PCDHGB1: variants seen among roughly 807,000 people sequenced by gnomAD.
The protein encoded by PCDHGB1 is protocadherin gamma-B1.
PCDHGB1 carries 34 observed loss-of-function variants against 56.6 expected under a neutral mutation model. The ratio of observed to expected loss-of-function variants is 0.60; its 90% CI spans 0.46 to 0.80. The LOEUF is 0.80. PCDHGB1 is among the 30% of genes least tolerant of loss of function. PCDHGB1 has a pLI of 0.00. For missense variants in PCDHGB1, 1,278 were observed against 1,204.6 expected, an observed-to-expected ratio of 1.06 and a Z score of -0.90; for synonymous variants, 561 against 505.9, an observed-to-expected ratio of 1.11 and a Z score of -1.46.
At chr5:141,464,838 A>G (rs2099091245) in intron 1 of PCDHGB1, among the ~76,000 whole-genome samples, 1 of 152,182 alleles carries the variant, frequency 6.6e-6, no homozygotes, top group African/African-American at 2.4e-5. Context: ...TCCTGGGCTC[A>G]AGCAATCCTC....
In PCDHGB1 at chr5:141,493,482, G is replaced by T. The variant is rs184736387; in HGVS notation, c.2410-1325G>T. The stretch of plus-strand genomic sequence containing the variant: ...TTTTAGGACCTTACATGTGGGGAAA[G>T]TCTTCTGTGGCTCCTCATTTCTGAG... On this transcript the variant is annotated intron_variant, in intron 1 of 3. Coordinates refer to ENST00000523390, the MANE Select transcript of PCDHGB1 (RefSeq NM_018922.3). The surrounding 1 kb of genome is among the most constrained non-coding windows in gnomAD (Gnocchi z 4.3). 6.6e-6 allele frequency among the ~76,000 whole-genome samples: 1 copy of T among 152,206 alleles called. No individual in the cohort carries two copies. Among genetic ancestry groups the T allele is most frequent in the Admixed American group, 6.5e-5 (1 of 15,282 alleles).
rs1485856773 is a variant in PCDHGB1, at chr5:141,372,043, T to A, written c.2409+19374T>A. ...CTCAGCGCCAACGTGAGCCTGCGCG[T>A]GTTGGTGGACGACCGCAACGACAAT... On this transcript the variant is annotated intron_variant, in intron 1 of 3. Coordinates refer to ENST00000523390, the MANE Select transcript of PCDHGB1 (RefSeq NM_018922.3). The A allele has an allele frequency of 1.9e-6, 3 of 1,613,326 alleles. No individual in the cohort carries two copies. The highest frequency in any genetic ancestry group is 1.7e-5 in the Admixed American group (1 of 59,994).
chr5:141,413,371 C>T lies in PCDHGB1; in HGVS notation c.2409+60702C>T, dbSNP rs752898022. 3.7e-6 allele frequency: 6 copies of T among 1,613,966 alleles called. No individual in the cohort carries two copies. In the Admixed American group the frequency reaches 8.3e-5, roughly 22 times the overall value. On this transcript the variant is annotated intron_variant, in intron 1 of 3. Coordinates refer to ENST00000523390, the MANE Select transcript of PCDHGB1 (RefSeq NM_018922.3). ...TCTGGCGCCCCGGGAGCTGGCGGAG[C>T]GCGGAGTCCGCATAGTCTCCAGAGG...
intron 1 of PCDHGB1, among the ~76,000 whole-genome samples, chr5:141,463,990 G>A (rs2099073582): frequency 6.6e-6 from 1 of 151,990 alleles, no homozygotes; most frequent in Non-Finnish European, 1.5e-5. Flanking sequence ...TAAAAACCAG[G>A]TGCAGTGGCT....
intron 1 of PCDHGB1, among the ~76,000 whole-genome samples, chr5:141,456,845 C>T (rs1308477735): frequency 6.6e-6 from 1 of 152,092 alleles, no homozygotes; most frequent in African/African-American, 2.4e-5. Context: ...CGCCTGTAAT[C>T]CCAGCTAATT....
intron 1 of PCDHGB1, among the ~76,000 whole-genome samples, chr5:141,359,265 G>A (rs2149806692): frequency 6.6e-6 from 1 of 152,134 alleles, no homozygotes; most frequent in African/African-American, 2.4e-5. Flanking sequence ...AATATAATTT[G>A]GAAATGCTCA....
Position 141,361,670 on chromosome 5 carries a change from G to T in PCDHGB1, c.2409+9001G>T, listed in dbSNP as rs1388085140. ...TACGTGTCCGTGAGCGCGCAGAGCG[G>T]GGTGGTGTTCGCGCAGCGCGCCTTC... On this transcript the variant is annotated intron_variant, in intron 1 of 3. Coordinates refer to ENST00000523390, the MANE Select transcript of PCDHGB1 (RefSeq NM_018922.3). 71 of 1,613,684 alleles carry T rather than the reference G, an allele frequency of 4.4e-5. 1 individual carries two copies. The highest frequency in any genetic ancestry group is 5.9e-5 in the Non-Finnish European group (70 of 1,179,914).
chr5:141,371,829 C>G (rs763758826), intron 1 of PCDHGB1: 13 of 1,613,692 alleles, frequency 8.1e-6, no homozygotes, highest in Non-Finnish European at 1.0e-5. Flanking sequence ...AGCCTCGGAT[C>G]CCGACTTGGG....
Position 141,376,232 on chromosome 5 carries a change from C to A in PCDHGB1, c.2409+23563C>A, listed in dbSNP as rs750982276. 6.7e-5 allele frequency: 108 copies of A among 1,614,106 alleles called. No homozygotes were observed. The highest frequency in any genetic ancestry group is 9.0e-5 in the Non-Finnish European group (106 of 1,180,056). ...CATCGTGCTGCTGGCGCTCAGACTG[C>A]AGCGCTGGCACAAGTCACGCCTGCT... is the stretch of plus-strand genomic sequence containing the variant. On this transcript the variant is annotated intron_variant, in intron 1 of 3. Coordinates refer to ENST00000523390, the MANE Select transcript of PCDHGB1 (RefSeq NM_018922.3).
intron 1 of PCDHGB1, chr5:141,390,867 C>CGT (rs61319619): frequency 0.024 from 3,656 of 151,102 alleles, 86 homozygotes; most frequent in African/African-American, 0.056. Flanking sequence ...GCTGTGTGTG[C>CGT]GTGTGTGTGT....
At chr5:141,475,987 C>A in intron 1 of PCDHGB1, 2 of 1,101,540 alleles carry the variant, frequency 1.8e-6, no homozygotes, top group Non-Finnish European at 2.6e-6. Flanking sequence ...AGCCGGCGAG[C>A]AAATCAACGG....
At position 141,362,242 on chromosome 5, in the gene PCDHGB1, T is replaced by C. The variant is rs759010180; in HGVS notation, c.2409+9573T>C. 12 of 1,613,924 alleles carry C rather than the reference T, an allele frequency of 7.4e-6. No homozygotes were observed. The South Asian group carries it at 8.8e-5, about 12-fold the overall frequency. On this transcript the variant is annotated intron_variant, in intron 1 of 3. Transcript: ENST00000523390. ...GGCCTTGGCCTTGATCTCAGTGCTC[T>C]TCTTCCTCGCGGTGATTCTGGCAAT... is the stretch of plus-strand genomic sequence containing the variant.
At chr5:141,385,516 C>A in intron 1 of PCDHGB1, 1 of 1,367,218 alleles carries the variant, frequency 7.3e-7, no homozygotes, top group South Asian at 1.9e-5. Flanking sequence ...TAGTGAAAGC[C>A]TATGGACAAG....
chr5:141,485,093 T>C lies in PCDHGB1; in HGVS notation c.2410-9714T>C. 1 of 1,076,296 alleles carries C rather than the reference T, an allele frequency of 9.3e-7. No homozygotes were observed. Among genetic ancestry groups the C allele is most frequent in the Non-Finnish European group, 1.4e-6 (1 of 718,118 alleles). 66.7% of individuals were successfully genotyped at this position (1,076,296 alleles called of 1,614,324 possible). ...TGGCGCGGGGAAAGGGAGATAGGTG[T>C]CTCCAGCTGCTGTGGCTGTTTGGGG... On this transcript the variant is annotated intron_variant, in intron 1 of 3. Coordinates refer to ENST00000523390, the MANE Select transcript of PCDHGB1 (RefSeq NM_018922.3). The surrounding 1 kb of genome is among the most constrained non-coding windows in gnomAD (Gnocchi z 5.7).
At chr5:141,415,740 G>GTTTTTTTTTTTTTTTTTGTTTTT (rs2095912994) in intron 1 of PCDHGB1, 1 of 515,998 alleles carries the variant, frequency 1.9e-6, no homozygotes. Flanking sequence ...GTTTATTAAG[G>GTTTTTTTTTTTTTTTTTGTTTTT]TTTTTTTTTT....
chr5:141,440,035 C>T, intron 1 of PCDHGB1: 1 of 153,140 alleles, frequency 6.5e-6, no homozygotes, highest in East Asian at 1.9e-4. Flanking sequence ...GTGTCGAGGA[C>T]ATGCCCACTT....
At chr5:141,393,842 T>C (rs1010461527) in intron 1 of PCDHGB1, 5 of 1,613,948 alleles carry the variant, frequency 3.1e-6, no homozygotes, top group Non-Finnish European at 4.2e-6. Context: ...TAAATGACAA[T>C]AGACCAGAAG....
intron 1 of PCDHGB1, chr5:141,427,780 TGTCGTCCTAC>T (rs892399327): frequency 8.9e-6 from 13 of 1,455,886 alleles, no homozygotes; most frequent in Middle Eastern, 1.7e-4. Context: ...CTGCGGGCAC[TGTCGTCCTAC>T]GTGTCCGTGA....
Position 141,454,549 on chromosome 5 carries a change from G to A in PCDHGB1, c.2410-40258G>A, listed in dbSNP as rs188623155. ...AGCCTCCCAAGTAGCTGAGATTACA[G>A]GCATGTGCCACCACGCCCGGCTAAT... On this transcript the variant is annotated intron_variant, in intron 1 of 3. Transcript: ENST00000523390. Among the ~76,000 whole-genome samples, 406 of 152,154 alleles carry A rather than the reference G, an allele frequency of 2.7e-3. 2 individuals are homozygous for A. The highest frequency in any genetic ancestry group is 0.021 in the South Asian group (99 of 4,814).
Sources: allele counts gnomAD v4.1 joint callset (sites outside exome capture counted in the v4.1 genomes callset), GRCh38; gene constraint gnomAD v4.1.1; non-coding constraint Gnocchi (gnomAD v3.1); transcripts MANE v1.5; gene names NCBI Gene and HGNC (gene_info 2026-07-23, HGNC 2026-07-21).